The following GPD2 variants were observed in gnomAD, a reference collection of about 807,000 sequenced individuals.
GPD2 encodes glycerol-3-phosphate dehydrogenase 2, also known as glycerol-3-phosphate dehydrogenase, mitochondrial.
A neutral mutation model predicts 82.4 loss-of-function variants in GPD2; 54 were observed. The observed-to-expected ratio is 0.66, with a 90% CI of 0.53 to 0.82. GPD2 has a LOEUF of 0.82. GPD2 is among the 40% of genes least tolerant of loss of function. GPD2 has a pLI of 0.00. For missense variants in GPD2, 748 were observed against 896.2 expected (o/e 0.83, Z 2.11); for synonymous variants, 288 against 306.1 (o/e 0.94, Z 0.62).
chr2:156,418,305 G>T, the GPD2 span, among the ~76,000 whole-genome samples: 1 of 152,000 alleles, frequency 6.6e-6, no homozygotes, highest in Non-Finnish European at 1.5e-5. Flanking sequence ...CAGGAGAATT[G>T]CTTGAACCTG....
chr2:156,561,040 C>CTTTTTTTTGTTTTTTTTT (rs1687149816), intron 9 of GPD2, among the ~76,000 whole-genome samples: 1 of 27,624 alleles, frequency 3.6e-5, no homozygotes, highest in Non-Finnish European at 6.0e-5. Context: ...TGACATTAAG[C>CTTTTTTTTGTTTTTTTTT]TTTTTTTTTT....
chr2:156,520,309 G>C (rs1685354038), intron 6 of GPD2, among the ~76,000 whole-genome samples: 1 of 151,314 alleles, frequency 6.6e-6, no homozygotes, highest in South Asian at 2.1e-4. Context: ...TGGGGCCATT[G>C]CCGGGGAACT....
At chr2:156,494,300 G>T (rs1213837526) in intron 2 of GPD2, among the ~76,000 whole-genome samples, 2 of 152,198 alleles carry the variant, frequency 1.3e-5, no homozygotes, top group African/African-American at 4.8e-5. Context: ...TCATTTACCA[G>T]TGACTTTCAG....
intron 2 of GPD2, among the ~76,000 whole-genome samples, chr2:156,488,470 C>T (rs1260095240): frequency 1.3e-5 from 2 of 152,138 alleles, no homozygotes; most frequent in African/African-American, 4.8e-5. Flanking sequence ...TGAGACCCTA[C>T]TTTATACTCC....
chr2:156,515,447 ATTGGTTTGGTATTGTTG>A (rs1191535273), intron 6 of GPD2, among the ~76,000 whole-genome samples: 1 of 152,030 alleles, frequency 6.6e-6, no homozygotes, highest in Non-Finnish European at 1.5e-5. Flanking sequence ...CCTGTTTTAC[ATTGGTTTGGTATTGTTG>A]TGAATTATAG....
chr2:156,582,906 T>C lies in GPD2; in HGVS notation c.2172T>C (p.Cys724=), dbSNP rs1439965210. The C allele has an allele frequency of 1.2e-6, 2 of 1,612,822 alleles. No individual in the cohort carries two copies. The highest frequency in any genetic ancestry group is 1.3e-5 in the African/African-American group (1 of 74,816). ...TTCCAATTCCAGTGGACCGTAGTTGTGGAGGATTGTGAGTCTGGGCAGTAA... is the reference window on the plus strand; with the variant it reads ...TTCCAATTCCAGTGGACCGTAGTTGCGGAGGATTGTGAGTCTGGGCAGTAA... ...RRVPIPVDRS[C]GGL Residue 724 remains cysteine, a synonymous_variant, in exon 17 of 17, where the codon TGT becomes TGC. Coordinates refer to ENST00000438166, the MANE Select transcript of GPD2 (RefSeq NM_000408.5).
the GPD2 span, among the ~76,000 whole-genome samples, chr2:156,402,944 A>G: frequency 1.3e-5 from 2 of 152,128 alleles, no homozygotes; most frequent in South Asian, 2.1e-4. Flanking sequence ...ACAAAGGCAA[A>G]TAAATAGGGA....
chr2:156,484,751 A>G (rs1268995584), intron 2 of GPD2, among the ~76,000 whole-genome samples: 3 of 152,228 alleles, frequency 2.0e-5, no homozygotes, highest in East Asian at 1.9e-4. Flanking sequence ...GAGACAGGAG[A>G]ATTGCTTGAA....
At chr2:156,446,834 A>G (rs1682385594) in intron 1 of GPD2, among the ~76,000 whole-genome samples, 1 of 152,214 alleles carries the variant, frequency 6.6e-6, no homozygotes, top group South Asian at 2.1e-4. Flanking sequence ...GATCACAGAC[A>G]TGAGCCACAG....
At chr2:156,500,314 G>A (rs1341304200) in intron 3 of GPD2, among the ~76,000 whole-genome samples, 1 of 152,092 alleles carries the variant, frequency 6.6e-6, no homozygotes, top group Non-Finnish European at 1.5e-5. Context: ...TTTATAAAGA[G>A]ATGGCTGAAG....
At chr2:156,531,640 G>A (rs1298287268) in intron 6 of GPD2, among the ~76,000 whole-genome samples, 1 of 152,218 alleles carries the variant, frequency 6.6e-6, no homozygotes, top group African/African-American at 2.4e-5. Context: ...ACCAGATCTG[G>A]GCTGAGGCCA....
At chr2:156,431,496 T>C (rs298310), upstream of GPD2, among the ~76,000 whole-genome samples, 37,644 of 151,970 alleles carry the variant, frequency 0.25, 5,755 homozygotes, top group Non-Finnish European at 0.35. Flanking sequence ...CTTTTTTTTT[T>C]CAATATTGTC....
chr2:156,425,213 C>T, the GPD2 span, among the ~76,000 whole-genome samples: 4 of 152,130 alleles, frequency 2.6e-5, no homozygotes, highest in Non-Finnish European at 5.9e-5. Flanking sequence ...ATCCTCCAGC[C>T]TCAGCCTCCT....
rs1683093823 is a variant in GPD2, at chr2:156,464,736, T to TA, written c.-8-11355dup. Among the ~76,000 whole-genome samples the TA allele has an allele frequency of 5.9e-5, 9 of 152,314 alleles. No individual in the cohort carries two copies. In the South Asian group the frequency reaches 1.9e-3, roughly 32 times the overall value. On this transcript the variant is annotated intron_variant, in intron 1 of 16. Coordinates refer to ENST00000438166, the MANE Select transcript of GPD2 (RefSeq NM_000408.5). ...TATTATTAAAAATTCAGTCATAATT[T>TA]AAAAAAATAAGCTCAGGATTTCTTA...
chr2:156,544,634 G>A (rs1355883299), intron 6 of GPD2, among the ~76,000 whole-genome samples: 2 of 152,174 alleles, frequency 1.3e-5, no homozygotes, highest in Admixed American at 6.5e-5. Flanking sequence ...GGGAAAGTCA[G>A]AGAAACCAGA....
intron 1 of GPD2, among the ~76,000 whole-genome samples, chr2:156,460,031 C>G (rs944186121): frequency 6.6e-6 from 1 of 152,224 alleles, no homozygotes; most frequent in African/African-American, 2.4e-5. Context: ...TCACTTGCCT[C>G]CTGACTGCTT....
At chr2:156,443,616 T>C (rs964563677) in intron 1 of GPD2, among the ~76,000 whole-genome samples, 8 of 152,160 alleles carry the variant, frequency 5.3e-5, no homozygotes, top group African/African-American at 1.9e-4. Context: ...TTTTTTTCCC[T>C]CCCAAGGTGC....
At chr2:156,522,408 C>G (rs1403966952) in intron 6 of GPD2, among the ~76,000 whole-genome samples, 1 of 152,186 alleles carries the variant, frequency 6.6e-6, no homozygotes, top group Non-Finnish European at 1.5e-5. Context: ...GTTGTTTGAA[C>G]AGATAGTTCT....
intron 6 of GPD2, among the ~76,000 whole-genome samples, chr2:156,528,492 G>T (rs2105300462): frequency 6.6e-6 from 1 of 150,930 alleles, no homozygotes; most frequent in African/African-American, 2.4e-5. Flanking sequence ...CAATGTGCAG[G>T]TTAGTTACAT....
Sources: gnomAD v4.1 joint callset for allele counts (sites outside exome capture counted in the v4.1 genomes callset) on GRCh38, gnomAD v4.1.1 for gene constraint, MANE v1.5 for transcripts, NCBI Gene and HGNC (gene_info 2026-07-23, HGNC 2026-07-21) for gene names.